FAM199X: variants seen among roughly 807,000 people sequenced by gnomAD.
FAM199X encodes protein FAM199X.
A neutral mutation model predicts 22.9 loss-of-function variants in FAM199X; 4 were observed. The ratio of observed to expected loss-of-function variants is 0.17; its 90% CI spans 0.09 to 0.40. FAM199X has a LOEUF of 0.40. Ranked by LOEUF, FAM199X falls within the 10% of genes least tolerant of loss-of-function variation. The probability of loss-of-function intolerance (pLI) is 1.00; values close to 1 mark genes in which losing one functional copy is unlikely to be tolerated. For synonymous variants in FAM199X, 101 were observed against 112.3 expected, an observed-to-expected ratio of 0.90 and a Z score of 0.64; for missense variants, 183 against 306.8, an observed-to-expected ratio of 0.60 and a Z score of 3.01.
intron 2 of FAM199X, 27 bp downstream of exon 2, chrX:104,175,869 A>G (rs1374771862): frequency 1.0e-5 from 11 of 1,051,453 alleles, no homozygotes; most frequent in South Asian, 2.0e-5. Context: ...TTTTCTTGAC[A>G]TTGTTACTAC....
At chrX:104,187,684 T>C (rs1044446752) in intron 4 of FAM199X, among the ~76,000 whole-genome samples, 13 of 112,027 alleles carry the variant, frequency 1.2e-4, no homozygotes, top group Non-Finnish European at 1.9e-5. Flanking sequence ...ACTTAAATTG[T>C]CTTAAGTGGA....
Position 104,191,886 on chromosome X carries a change from A to T in FAM199X, c.*2108A>T, listed in dbSNP as rs781866752. Reference sequence around the variant, plus strand: ...ATTTAACTTGAGTCACTATTAAGCAAGTTTACCAAAGTGCCACAAAGTTGA... The same window carrying T: ...ATTTAACTTGAGTCACTATTAAGCATGTTTACCAAAGTGCCACAAAGTTGA... On this transcript the variant is annotated 3_prime_UTR_variant, in exon 6 of 6. Transcript: ENST00000493442. The T allele has an allele frequency of 8.9e-6, 1 of 112,029 alleles. No individual in the cohort carries two copies. Among genetic ancestry groups the T allele is most frequent in the Non-Finnish European group, 1.9e-5 (1 of 53,120 alleles). The allele number at this position is 112,029 out of a possible 1,213,427, so 9.2% of individuals were successfully genotyped here. A position where few individuals can be genotyped will look rare whatever the true frequency, so the allele number is the denominator to read the frequency against.
chrX:104,158,814 T>A, the FAM199X span, among the ~76,000 whole-genome samples: 1 of 111,653 alleles, frequency 9.0e-6, no homozygotes, highest in South Asian at 3.7e-4. Context: ...TTGCTGAAGG[T>A]AAATGAAGCA....
rs782448605 is a variant in FAM199X, at chrX:104,183,947, G to A, written c.418-2119G>A. 1.6e-3 allele frequency among the ~76,000 whole-genome samples: 174 copies of A among 111,714 alleles called. 2 individuals carry two copies. Among genetic ancestry groups the A allele is most frequent in the African/African-American group, 5.6e-3 (171 of 30,756 alleles). On this transcript the variant is annotated intron_variant, in intron 2 of 5. Transcript: ENST00000493442. Reference sequence around the variant, plus strand: ...AAACATCATAGTCATCTTTTGCATAGTGATTGACTCCTATCTTTGTGGTTT... The same window carrying A: ...AAACATCATAGTCATCTTTTGCATAATGATTGACTCCTATCTTTGTGGTTT...
chrX:104,178,934 C>T (rs1286548027), intron 2 of FAM199X, among the ~76,000 whole-genome samples: 1 of 111,306 alleles, frequency 9.0e-6, no homozygotes, highest in Non-Finnish European at 1.9e-5. Flanking sequence ...TCGAAACCAG[C>T]CTGGGCAACA....
intron 1 of FAM199X, 80 bp downstream of exon 1, chrX:104,167,062 G>C: frequency 1.1e-6 from 1 of 894,362 alleles, no homozygotes; most frequent in African/African-American, 2.1e-5. Context: ...CCCGGGCTGC[G>C]CTTCCAGTCG....
intron 1 of FAM199X, among the ~76,000 whole-genome samples, chrX:104,168,048 C>T (rs1373313513): frequency 1.8e-5 from 2 of 111,800 alleles, no homozygotes; most frequent in African/African-American, 6.5e-5. Flanking sequence ...GCATATTTCT[C>T]CCCTCCCTTC....
chrX:104,162,563 A>C (rs1921066902), upstream of FAM199X, among the ~76,000 whole-genome samples: 1 of 112,160 alleles, frequency 8.9e-6, no homozygotes, highest in African/African-American at 3.2e-5. Flanking sequence ...GCCCAGGCCA[A>C]ATGTCACTCA....
intron 4 of FAM199X, among the ~76,000 whole-genome samples, chrX:104,186,967 A>C (rs782551714): frequency 8.9e-6 from 1 of 112,016 alleles, no homozygotes; most frequent in East Asian, 2.8e-4. Context: ...AATGAGAGCT[A>C]TTCTTTGATA....
chrX:104,181,982 C>G (rs1169410425), intron 2 of FAM199X, among the ~76,000 whole-genome samples: 1 of 103,767 alleles, frequency 9.6e-6, no homozygotes, highest in East Asian at 3.0e-4. Flanking sequence ...TTTCTTTTTT[C>G]TTTTTTTTCT....
upstream of FAM199X, among the ~76,000 whole-genome samples, chrX:104,164,812 G>A (rs1921118349): frequency 3.6e-5 from 4 of 111,435 alleles, no homozygotes; most frequent in South Asian, 1.5e-3. Flanking sequence ...CCCGGGAGGT[G>A]GGGGTTGCAG....
intron 1 of FAM199X, among the ~76,000 whole-genome samples, chrX:104,173,414 G>C (rs1352502379): frequency 9.0e-6 from 1 of 111,452 alleles, no homozygotes; most frequent in Non-Finnish European, 1.9e-5. Context: ...TAGTGTGTGT[G>C]TGTTTCAGTG....
At chrX:104,176,655 C>G (rs1261847171) in intron 2 of FAM199X, among the ~76,000 whole-genome samples, 1 of 112,196 alleles carries the variant, frequency 8.9e-6, no homozygotes, top group African/African-American at 3.2e-5. Flanking sequence ...TCCCACTCTA[C>G]TATGGTTACC....
At chrX:104,173,013 C>T (rs1388193814) in intron 1 of FAM199X, among the ~76,000 whole-genome samples, 1 of 111,648 alleles carries the variant, frequency 9.0e-6, no homozygotes, top group African/African-American at 3.3e-5. Flanking sequence ...CTGTGTTGCT[C>T]AGATTAGAGT....
Position 104,192,747 on chromosome X carries a change from T to G in FAM199X, c.*2969T>G, listed in dbSNP as rs1921971101. On this transcript the variant is annotated 3_prime_UTR_variant, in exon 6 of 6. Coordinates refer to ENST00000493442, the MANE Select transcript of FAM199X (RefSeq NM_207318.4). The stretch of plus-strand genomic sequence containing the variant: ...CCTCATTTTTGTTAGGCTATGGCAG[T>G]TTTGTCCAGTTCCTCTGTCCCTTGA... The G allele has an allele frequency of 9.0e-6, 1 of 111,065 alleles. No homozygotes were observed. Among genetic ancestry groups the G allele is most frequent in the Admixed American group, 9.6e-5 (1 of 10,379 alleles). 9.2% of individuals were successfully genotyped at this position (111,065 alleles called of 1,213,427 possible).
In FAM199X at chrX:104,192,844, A is replaced by G. The variant is rs782735957; in HGVS notation, c.*3066A>G. On this transcript the variant is annotated 3_prime_UTR_variant, in exon 6 of 6. Transcript: ENST00000493442. The stretch of plus-strand genomic sequence containing the variant: ...TAATGACTCATTATAGATTGGGTGA[A>G]CTTCTCATTTTATTTAGCTTTTAAA... The G allele has an allele frequency of 1.8e-5, 2 of 111,824 alleles. No homozygotes were observed. The highest frequency in any genetic ancestry group is 7.4e-4 in the South Asian group (2 of 2,710). 9.2% of individuals were successfully genotyped at this position (111,824 alleles called of 1,213,427 possible). A position where few individuals can be genotyped will look rare whatever the true frequency, so the allele number is the denominator to read the frequency against.
chrX:104,165,198 CCTT>C (rs781868958), upstream of FAM199X, among the ~76,000 whole-genome samples: 1 of 112,605 alleles, frequency 8.9e-6, no homozygotes, highest in Non-Finnish European at 1.9e-5. Flanking sequence ...ATGCAACACA[CCTT>C]CTTGCAATCT....
In FAM199X at chrX:104,192,303, A is replaced by G. The variant is rs188060732; in HGVS notation, c.*2525A>G. ...GTATCTCTGAGTTCAATTTAAAACA[A>G]TCCAACTCAGTAATATTTATTTTTA... On this transcript the variant is annotated 3_prime_UTR_variant, in exon 6 of 6. Coordinates refer to ENST00000493442, the MANE Select transcript of FAM199X (RefSeq NM_207318.4). 2.7e-5 allele frequency: 3 copies of G among 112,040 alleles called. No individual in the cohort carries two copies. In the East Asian group the frequency reaches 8.3e-4, roughly 31 times the overall value. The allele number at this position is 112,040 out of a possible 1,213,427, so 9.2% of individuals were successfully genotyped here.
chrX:104,171,860 C>T (rs1319824017), intron 1 of FAM199X, among the ~76,000 whole-genome samples: 1 of 111,895 alleles, frequency 8.9e-6, no homozygotes, highest in Non-Finnish European at 1.9e-5. Flanking sequence ...ATTGTTTGGA[C>T]ATATTTGTAC....
Sources: allele counts gnomAD v4.1 joint callset (sites outside exome capture counted in the v4.1 genomes callset), GRCh38; gene constraint gnomAD v4.1.1; transcripts MANE v1.5; gene names NCBI Gene and HGNC (gene_info 2026-07-23, HGNC 2026-07-21).